KRCC1: variants seen among roughly 807,000 people sequenced by gnomAD.
The protein encoded by KRCC1 is lysine-rich coiled-coil protein 1.
KRCC1 carries 3 observed loss-of-function variants against 7.4 expected under a neutral mutation model. That is an observed-to-expected ratio of 0.40 (90% CI 0.18 to 1.04). The LOEUF (loss-of-function observed/expected upper bound fraction) is 1.04, where lower values mean the gene tolerates loss of function less well. Ranked by LOEUF, KRCC1 falls within the 50% of genes least tolerant of loss-of-function variation. The pLI, the probability that KRCC1 is intolerant of heterozygous loss-of-function variation, is 0.33. For missense variants in KRCC1, 277 were observed against 300.9 expected, an observed-to-expected ratio of 0.92 and a Z score of 0.59; for synonymous variants, 102 against 101.6, an observed-to-expected ratio of 1.00 and a Z score of -0.02.
intron 1 of KRCC1, among the ~76,000 whole-genome samples, chr2:88,044,689 T>C: frequency 1.3e-5 from 2 of 152,040 alleles, no homozygotes; most frequent in East Asian, 3.9e-4. Flanking sequence ...CCATGCTGTC[T>C]AGTAAAAAAA....
Position 88,034,555 on chromosome 2 carries a change from T to C in KRCC1, c.-181-263A>G, listed in dbSNP as rs375302284. Among the ~76,000 whole-genome samples, 27 of 152,336 alleles carry C rather than the reference T, an allele frequency of 1.8e-4. 3 individuals carry two copies. The highest frequency in any genetic ancestry group is 6.3e-4 in the African/African-American group (26 of 41,586). On this transcript the variant is annotated intron_variant, in intron 2 of 3. Coordinates refer to ENST00000347055, the MANE Select transcript of KRCC1 (RefSeq NM_016618.3). ...AAATACAATGTGATAGTTCAGTACA[T>C]GTATATAGTGTGGAATAATCAAATT...
In KRCC1 at chr2:88,054,405, C is replaced by T. The variant is rs761675860; in HGVS notation, c.-291+1221G>A. ...TAAAAAGGGCTCACAACTACGAATCCTCCTCTGTTCCTTTGAGATGTGTTT... is the reference window on the plus strand; with the variant it reads ...TAAAAAGGGCTCACAACTACGAATCTTCCTCTGTTCCTTTGAGATGTGTTT... On this transcript the variant is annotated intron_variant, in intron 1 of 3. Transcript: ENST00000347055. Among the ~76,000 whole-genome samples the T allele has an allele frequency of 1.1e-4, 16 of 152,304 alleles. No individual in the cohort carries two copies. In the South Asian group the frequency reaches 2.7e-3, roughly 26 times the overall value.
chr2:88,045,599 T>A (rs144904192), intron 1 of KRCC1, among the ~76,000 whole-genome samples: 14 of 152,228 alleles, frequency 9.2e-5, no homozygotes, highest in African/African-American at 3.1e-4. Context: ...GGGGCATAAG[T>A]ACTTTTGGGG....
chr2:88,031,999 T>TGGGTG (rs1266424207), intron 3 of KRCC1, among the ~76,000 whole-genome samples: 1 of 151,558 alleles, frequency 6.6e-6, no homozygotes, highest in Non-Finnish European at 1.5e-5. Context: ...AAAAATTAGC[T>TGGGTG]GGGTGTGGTG....
chr2:88,036,273 T>C (rs1673088760), intron 2 of KRCC1, among the ~76,000 whole-genome samples: 1 of 152,164 alleles, frequency 6.6e-6, no homozygotes, highest in African/African-American at 2.4e-5. Flanking sequence ...TGTAATGTAG[T>C]ATACAAAAGA....
intron 1 of KRCC1, among the ~76,000 whole-genome samples, chr2:88,039,503 A>G (rs1673161388): frequency 6.6e-6 from 1 of 152,000 alleles, no homozygotes; most frequent in Admixed American, 6.6e-5. Context: ...CCTGGCCAAC[A>G]TGGCAAAACC....
At chr2:88,032,311 G>A (rs1365140294) in intron 3 of KRCC1, among the ~76,000 whole-genome samples, 1 of 152,038 alleles carries the variant, frequency 6.6e-6, no homozygotes, top group Non-Finnish European at 1.5e-5. Flanking sequence ...CCCCACACAA[G>A]TGTACTATTT....
chr2:88,033,312 T>C (rs1573075419), intron 3 of KRCC1, among the ~76,000 whole-genome samples: 2 of 152,068 alleles, frequency 1.3e-5, no homozygotes. Context: ...TCACCTGAGG[T>C]CAGGAGTTGG....
intron 1 of KRCC1, among the ~76,000 whole-genome samples, chr2:88,042,698 T>C (rs1673238688): frequency 6.6e-6 from 1 of 152,170 alleles, no homozygotes. Flanking sequence ...GAGATTACAG[T>C]TGTGAGCCAC....
intron 1 of KRCC1, among the ~76,000 whole-genome samples, chr2:88,038,165 A>T (rs970235792): frequency 6.6e-6 from 1 of 152,206 alleles, no homozygotes; most frequent in Non-Finnish European, 1.5e-5. Context: ...TATACAACCC[A>T]AACTTAAGTA....
chr2:88,053,278 G>A (rs1046674716), intron 1 of KRCC1, among the ~76,000 whole-genome samples: 5 of 152,016 alleles, frequency 3.3e-5, no homozygotes, highest in Non-Finnish European at 7.4e-5. Flanking sequence ...TCCTATTCCA[G>A]TATTCTCATT....
chr2:88,050,919 A>G (rs1267763489), intron 1 of KRCC1, among the ~76,000 whole-genome samples: 24 of 89,654 alleles, frequency 2.7e-4, no homozygotes, highest in African/African-American at 8.4e-4. Flanking sequence ...TATCTTCCTT[A>G]CTTGCTTTTT....
chr2:88,046,146 A>T (rs1404810486), intron 1 of KRCC1, among the ~76,000 whole-genome samples: 1 of 152,246 alleles, frequency 6.6e-6, no homozygotes, highest in East Asian at 1.9e-4. Context: ...ACAAAGGTTA[A>T]GTCACTTCAG....
At chr2:88,040,531 G>GT (rs1338444063) in intron 1 of KRCC1, among the ~76,000 whole-genome samples, 1 of 152,082 alleles carries the variant, frequency 6.6e-6, no homozygotes, top group Non-Finnish European at 1.5e-5. Context: ...TATTGTTTCT[G>GT]TTTTTTACTT....
chr2:88,038,107 A>G (rs1304123665), intron 1 of KRCC1, among the ~76,000 whole-genome samples: 1 of 152,250 alleles, frequency 6.6e-6, no homozygotes, highest in Non-Finnish European at 1.5e-5. Flanking sequence ...GTAGAACTCA[A>G]TCAATTGCTC....
chr2:88,043,590 G>C (rs773966685), intron 1 of KRCC1, among the ~76,000 whole-genome samples: 8 of 152,128 alleles, frequency 5.3e-5, no homozygotes, highest in Admixed American at 2.6e-4. Context: ...ATTCACAAGC[G>C]ACCTATTAAT....
Position 88,027,498 on chromosome 2 carries a change from C to A in KRCC1, c.*286G>T. 3.3e-6 allele frequency: 1 copy of A among 302,516 alleles called. No individual in the cohort carries two copies. Among genetic ancestry groups the A allele is most frequent in the Non-Finnish European group, 6.0e-6 (1 of 165,646 alleles). 18.7% of individuals were successfully genotyped at this position (302,516 alleles called of 1,614,324 possible). A position where few individuals can be genotyped will look rare whatever the true frequency, so the allele number is the denominator to read the frequency against. ...CAATTTAAAATAAATAACCTCCCAACAGAAAATATTTCCACCATCAAAGCA... is the reference window on the plus strand; with the variant it reads ...CAATTTAAAATAAATAACCTCCCAAAAGAAAATATTTCCACCATCAAAGCA... On this transcript the variant is annotated 3_prime_UTR_variant, in exon 4 of 4. Coordinates refer to ENST00000347055, the MANE Select transcript of KRCC1 (RefSeq NM_016618.3).
At chr2:88,041,950 T>C (rs1054573296) in intron 1 of KRCC1, among the ~76,000 whole-genome samples, 1 of 151,826 alleles carries the variant, frequency 6.6e-6, no homozygotes, top group African/African-American at 2.4e-5. Flanking sequence ...GTAGCATCTC[T>C]CCCCCCCGAT....
At chr2:88,041,311 G>A (rs1351885000) in intron 1 of KRCC1, among the ~76,000 whole-genome samples, 1 of 152,156 alleles carries the variant, frequency 6.6e-6, no homozygotes, top group Admixed American at 6.5e-5. Flanking sequence ...AGAAAGTAAG[G>A]AAGAGGAAGA....
Sources: allele counts gnomAD v4.1 joint callset (sites outside exome capture counted in the v4.1 genomes callset), GRCh38; gene constraint gnomAD v4.1.1; transcripts MANE v1.5; gene names NCBI Gene and HGNC (gene_info 2026-07-23, HGNC 2026-07-21).